Variants in IMMP2L observed in about 807,000 individuals in gnomAD.
IMMP2L encodes mitochondrial inner membrane protease subunit 2.
IMMP2L carries 18 observed loss-of-function variants against 19.3 expected under a neutral mutation model. The ratio of observed to expected loss-of-function variants is 0.93; its 90% CI spans 0.64 to 1.38. IMMP2L has a LOEUF of 1.38. Ranked by LOEUF, IMMP2L falls within the 40% of genes most tolerant of loss-of-function variation. The pLI is 0.00. For synonymous variants in IMMP2L, 76 were observed against 73.0 expected, an observed-to-expected ratio of 1.04 and a Z score of -0.21; for missense variants, 233 against 218.2, an observed-to-expected ratio of 1.07 and a Z score of -0.43.
At chr7:111,121,982 A>G (rs1179765343) in intron 3 of IMMP2L, among the ~76,000 whole-genome samples, 3 of 151,764 alleles carry the variant, frequency 2.0e-5, no homozygotes, top group Non-Finnish European at 2.9e-5. Flanking sequence ...GCAAGGACAA[A>G]AAAACCAAAC....
intron 2 of IMMP2L, among the ~76,000 whole-genome samples, chr7:111,496,405 G>C (rs73426250): frequency 2.6e-4 from 40 of 152,206 alleles, no homozygotes; most frequent in African/African-American, 9.4e-4. Flanking sequence ...ACTAGATTAA[G>C]GCTACCCAGA....
At chr7:111,331,468 G>C (rs919282443) in intron 3 of IMMP2L, among the ~76,000 whole-genome samples, 1 of 151,798 alleles carries the variant, frequency 6.6e-6, no homozygotes, top group African/African-American at 2.4e-5. Flanking sequence ...AATCTCAGGA[G>C]AAATATGCTT....
intron 2 of IMMP2L, 55 bp downstream of exon 2, chr7:111,521,258 T>A: frequency 6.5e-7 from 1 of 1,545,122 alleles, no homozygotes; most frequent in Non-Finnish European, 8.8e-7. Context: ...TCATTTCTAG[T>A]GCTTGAAAAA....
chr7:110,671,847 G>A (rs950986123), intron 5 of IMMP2L, among the ~76,000 whole-genome samples: 12 of 152,068 alleles, frequency 7.9e-5, no homozygotes, highest in Non-Finnish European at 2.9e-5. Flanking sequence ...AAGAAAATCA[G>A]GAAGAACAAG....
Position 111,456,217 on chromosome 7 carries a change from T to C in IMMP2L, c.239+31021A>G, listed in dbSNP as rs562183079. Reference sequence around the variant, plus strand: ...TAAGGTTATTCAATCTCTTGTTTACTAAAACAGTGGTAGGGGTGGTTTGGT... The same window carrying C: ...TAAGGTTATTCAATCTCTTGTTTACCAAAACAGTGGTAGGGGTGGTTTGGT... On this transcript the variant is annotated intron_variant, in intron 3 of 5. Coordinates refer to ENST00000405709, the MANE Select transcript of IMMP2L (RefSeq NM_032549.4). 4.3e-3 allele frequency among the ~76,000 whole-genome samples: 649 copies of C among 152,130 alleles called. 4 individuals carry two copies. The highest frequency in any genetic ancestry group is 0.015 in the African/African-American group (628 of 41,532).
chr7:111,138,407 C>G (rs1036063902), intron 3 of IMMP2L, among the ~76,000 whole-genome samples: 2 of 152,118 alleles, frequency 1.3e-5, no homozygotes, highest in Admixed American at 1.3e-4. Context: ...CTGGCATTTC[C>G]TGCCCCAAAT....
chr7:111,038,900 A>T (rs1791610919), intron 3 of IMMP2L, among the ~76,000 whole-genome samples: 1 of 152,298 alleles, frequency 6.6e-6, no homozygotes, highest in East Asian at 1.9e-4. Context: ...GGGGACGATA[A>T]CTCATTAATC....
intron 4 of IMMP2L, among the ~76,000 whole-genome samples, chr7:110,947,814 T>G (rs1217129840): frequency 6.6e-6 from 1 of 152,204 alleles, no homozygotes; most frequent in Non-Finnish European, 1.5e-5. Context: ...TTTCACTGTC[T>G]GCTCCTGGCT....
At chr7:111,476,863 A>G (rs1301782891) in intron 3 of IMMP2L, among the ~76,000 whole-genome samples, 2 of 152,134 alleles carry the variant, frequency 1.3e-5, no homozygotes, top group African/African-American at 4.8e-5. Context: ...CTCTGTTTCT[A>G]AGGGCTCATG....
chr7:111,549,679 C>T (rs565183574), intron 1 of IMMP2L, among the ~76,000 whole-genome samples: 3 of 152,210 alleles, frequency 2.0e-5, no homozygotes, highest in South Asian at 2.1e-4. Flanking sequence ...GTGGCTCACA[C>T]CTGTAATCCC....
intron 3 of IMMP2L, among the ~76,000 whole-genome samples, chr7:111,482,688 C>T (rs1842294987): frequency 6.6e-6 from 1 of 152,066 alleles, no homozygotes; most frequent in South Asian, 2.1e-4. Flanking sequence ...TCTTCTCTGC[C>T]CCTGTGGTAT....
chr7:111,392,919 A>C (rs1832509101), intron 3 of IMMP2L: 1 of 446,616 alleles, frequency 2.2e-6, no homozygotes, highest in African/African-American at 2.0e-5. Flanking sequence ...GGGGGGTCCC[A>C]CCCACCTGGC....
intron 5 of IMMP2L, among the ~76,000 whole-genome samples, chr7:110,670,266 CAT>C (rs1244417338): frequency 6.6e-6 from 1 of 152,194 alleles, no homozygotes; most frequent in Non-Finnish European, 1.5e-5. Context: ...AAAAACCAAA[CAT>C]ATACTGAACC....
intron 3 of IMMP2L, among the ~76,000 whole-genome samples, chr7:111,354,832 T>G (rs1231722821): frequency 6.6e-6 from 1 of 151,838 alleles, no homozygotes; most frequent in Non-Finnish European, 1.5e-5. Flanking sequence ...AAAGTTTATA[T>G]GAAGACAACT....
rs147230609 is a variant in IMMP2L at position 111,496,487 on chromosome 7, T to C, written c.136-9146A>G. Among the ~76,000 whole-genome samples the C allele has an allele frequency of 1.3e-3, 200 of 152,252 alleles. 2 individuals carry two copies. The highest frequency in any genetic ancestry group is 4.6e-3 in the African/African-American group (193 of 41,538). ...CAGGAGAGATTGGCCTTTGAAGCACTGGATTGAGTAAGAAAGATCCACCCT... is the reference window on the plus strand; with the variant it reads ...CAGGAGAGATTGGCCTTTGAAGCACCGGATTGAGTAAGAAAGATCCACCCT... On this transcript the variant is annotated intron_variant, in intron 2 of 5. Coordinates refer to ENST00000405709, the MANE Select transcript of IMMP2L (RefSeq NM_032549.4).
chr7:111,331,559 T>C (rs1470761020), intron 3 of IMMP2L, among the ~76,000 whole-genome samples: 1 of 151,890 alleles, frequency 6.6e-6, no homozygotes, highest in Non-Finnish European at 1.5e-5. Context: ...GAGAGTAACA[T>C]TCAAATGTTC....
At chr7:111,209,514 A>G (rs1811091041) in intron 3 of IMMP2L, among the ~76,000 whole-genome samples, 2 of 152,162 alleles carry the variant, frequency 1.3e-5, no homozygotes, top group Admixed American at 1.3e-4. Context: ...TTCACATATC[A>G]ATACAGTATT....
intron 3 of IMMP2L, among the ~76,000 whole-genome samples, chr7:111,203,208 T>G (rs1041821167): frequency 1.3e-5 from 2 of 151,808 alleles, no homozygotes; most frequent in African/African-American, 4.8e-5. Context: ...GGCAAGACGG[T>G]TTTTTTTCTT....
intron 3 of IMMP2L, among the ~76,000 whole-genome samples, chr7:111,315,407 G>A (rs2130372434): frequency 6.6e-6 from 1 of 151,524 alleles, no homozygotes; most frequent in South Asian, 2.1e-4. Context: ...TAGCCTATGA[G>A]TCCCTTAATG....
Sources: gnomAD v4.1 joint callset for allele counts (sites outside exome capture counted in the v4.1 genomes callset) on GRCh38, gnomAD v4.1.1 for gene constraint, MANE v1.5 for transcripts, NCBI Gene and HGNC (gene_info 2026-07-23, HGNC 2026-07-21) for gene names.